Variants in ONECUT3 observed in about 807,000 individuals in gnomAD.
ONECUT3 encodes one cut homeobox 3, also known as one cut domain family member 3.
A neutral mutation model predicts 16.8 loss-of-function variants in ONECUT3; 11 were observed. The observed-to-expected ratio is 0.66, with a 90% CI of 0.41 to 1.09. The LOEUF (loss-of-function observed/expected upper bound fraction) is 1.09, where lower values mean the gene tolerates loss of function less well. Ranked by LOEUF, ONECUT3 falls within the 50% of genes least tolerant of loss-of-function variation. The pLI is 0.00. For missense variants in ONECUT3, 637 were observed against 629.9 expected, an observed-to-expected ratio of 1.01 and a Z score of -0.12; for synonymous variants, 344 against 310.7, an observed-to-expected ratio of 1.11 and a Z score of -1.13.
At position 1,754,182 on chromosome 19, in the gene ONECUT3, G is replaced by T; in HGVS notation, c.520G>T (p.Glu174Ter). 3.6e-6 allele frequency: 4 copies of T among 1,110,952 alleles called. No homozygotes were observed. The highest frequency in any genetic ancestry group is 4.4e-6 in the Non-Finnish European group (4 of 901,112). The allele number at this position is 1,110,952 out of a possible 1,614,324, so 68.8% of individuals were successfully genotyped here. Reference sequence around the variant, plus strand: ...CGGCAGCTTCACCCTCATGCGCGACGAGCGGGCGGCGCTCGCCTCCGTGGG... The same window carrying T: ...CGGCAGCTTCACCCTCATGCGCGACTAGCGGGCGGCGCTCGCCTCCGTGGG... The part of the protein sequence containing the change: ...VSGSFTLMRD[E>*]RAALASVGHL... The change falls in exon 1 of 2, where the codon GAG becomes TAG. Residue 174 changes from glutamate (E) to a stop codon, truncating the protein, a stop_gained. Transcript: ENST00000382349. LOFTEE classifies it high-confidence loss of function. This position sits in a 1 kb window ranked among gnomAD's most constrained non-coding sequence, Gnocchi z 7.4.
In ONECUT3 at chr19:1,776,258, T is replaced by C. The variant is rs2068107686; in HGVS notation, c.*813T>C. 1 of 152,184 alleles carries C rather than the reference T, an allele frequency of 6.6e-6. No individual in the cohort carries two copies. Among genetic ancestry groups the C allele is most frequent in the African/African-American group, 2.4e-5 (1 of 41,430 alleles). 9.4% of individuals were successfully genotyped at this position (152,184 alleles called of 1,614,324 possible). A position where few individuals can be genotyped will look rare whatever the true frequency, so the allele number is the denominator to read the frequency against. On this transcript the variant is annotated 3_prime_UTR_variant, in exon 2 of 2. Transcript: ENST00000382349. The surrounding 1 kb of genome is among the most constrained non-coding windows in gnomAD (Gnocchi z 4.9). ...GCCCCGCCCCGTCTGTTGAGTTCAC[T>C]TTACCTTTAGGCACCTTCGTGGAGC... is the stretch of plus-strand genomic sequence containing the variant.
At position 1,759,492 on chromosome 19, in the gene ONECUT3, G is replaced by A. The variant is rs1246259772; in HGVS notation, c.1192+4638G>A. On this transcript the variant is annotated intron_variant, in intron 1 of 1. Transcript: ENST00000382349. This position sits in a 1 kb window ranked among gnomAD's most constrained non-coding sequence, Gnocchi z 4.1. ...GGGATGAGCAGGGAGAGGAGGAGGA[G>A]GAGGAGAGGGAAGGGAGGGAAGGAA... is the stretch of plus-strand genomic sequence containing the variant. 6.6e-6 allele frequency among the ~76,000 whole-genome samples: 1 copy of A among 151,990 alleles called. No homozygotes were observed. Among genetic ancestry groups the A allele is most frequent in the African/African-American group, 2.4e-5 (1 of 41,360 alleles).
rs984894061 is a variant in ONECUT3 at position 1,755,552 on chromosome 19, C to A, written c.1192+698C>A. 6.6e-6 allele frequency among the ~76,000 whole-genome samples: 1 copy of A among 152,014 alleles called. No homozygotes were observed. The highest frequency in any genetic ancestry group is 2.4e-5 in the African/African-American group (1 of 41,396). Reference sequence around the variant, plus strand: ...CCGCCCGGAGGCCTTCACACCCCGACCCGGCGCCCGCCCCGCGCAGTTTGG... The same window carrying A: ...CCGCCCGGAGGCCTTCACACCCCGAACCGGCGCCCGCCCCGCGCAGTTTGG... On this transcript the variant is annotated intron_variant, in intron 1 of 1. Coordinates refer to ENST00000382349, the MANE Select transcript of ONECUT3 (RefSeq NM_001080488.2). The surrounding 1 kb of genome is among the most constrained non-coding windows in gnomAD (Gnocchi z 7.5).
chr19:1,754,372 AC>A lies in ONECUT3; in HGVS notation c.711del (p.Asp237GlufsTer98). 1.8e-6 allele frequency: 2 copies of A among 1,103,582 alleles called. No individual in the cohort carries two copies. Among genetic ancestry groups the A allele is most frequent in the Non-Finnish European group, 2.2e-6 (2 of 898,530 alleles). The allele number at this position is 1,103,582 out of a possible 1,614,324, so 68.4% of individuals were successfully genotyped here. A position where few individuals can be genotyped will look rare whatever the true frequency, so the allele number is the denominator to read the frequency against. On this transcript the variant is annotated frameshift_variant, in exon 1 of 2. Transcript: ENST00000382349. LOFTEE classifies it high-confidence loss of function. The surrounding 1 kb of genome is among the most constrained non-coding windows in gnomAD (Gnocchi z 7.4). ...AYGPPGHLAG[D>X]KLLPPAAFEP... Reference sequence around the variant, plus strand: ...GGCCCGCCAGGCCACCTGGCTGGGGACAAGCTGCTGCCGCCCGCCGCCTTCG... The same window carrying A: ...GGCCCGCCAGGCCACCTGGCTGGGGAAAGCTGCTGCCGCCCGCCGCCTTCG...
Position 1,764,979 on chromosome 19 carries a change from G to A in ONECUT3, c.1192+10125G>A, listed in dbSNP as rs890282394. Among the ~76,000 whole-genome samples the A allele has an allele frequency of 2.6e-5, 4 of 151,648 alleles. No individual in the cohort carries two copies. Among genetic ancestry groups the A allele is most frequent in the Non-Finnish European group, 5.9e-5 (4 of 68,018 alleles). ...TTGTCTGCTCCCTGAAGCCAGAGGT[G>A]GCTGAGGGAGGGGATCTCCAGCTCC... On this transcript the variant is annotated intron_variant, in intron 1 of 1. Coordinates refer to ENST00000382349, the MANE Select transcript of ONECUT3 (RefSeq NM_001080488.2). This position sits in a 1 kb window ranked among gnomAD's most constrained non-coding sequence, Gnocchi z 5.0.
In ONECUT3 at chr19:1,754,618, A is replaced by C; in HGVS notation, c.956A>C (p.Glu319Ala). 7.0e-7 allele frequency: 1 copy of C among 1,438,348 alleles called. No homozygotes were observed. The highest frequency in any genetic ancestry group is 9.2e-7 in the Non-Finnish European group (1 of 1,091,248). The allele number at this position is 1,438,348 out of a possible 1,614,324, so 89.1% of individuals were successfully genotyped here. ...GGGPSAGAAA[E>A]EINTKEVAQR... ...GGCCCCAGCGCGGGCGCAGCGGCCG[A>C]GGAGATCAACACCAAGGAGGTGGCG... is the stretch of plus-strand genomic sequence containing the variant. The change falls in exon 1 of 2, where the codon GAG (glutamate) becomes GCG (alanine). Residue 319 changes from glutamate (E) to alanine (A), a missense_variant. Physicochemically the swap from Glu to Ala is moderately radical, Grantham distance 107. Transcript: ENST00000382349. This position sits in a 1 kb window ranked among gnomAD's most constrained non-coding sequence, Gnocchi z 7.4.
At chr19:1,765,865 C>T (rs2067983278) in intron 1 of ONECUT3, among the ~76,000 whole-genome samples, 1 of 152,200 alleles carries the variant, frequency 6.6e-6, no homozygotes, top group African/African-American at 2.4e-5. Flanking sequence ...TGGGGCTGGG[C>T]GGACATGGAT....
chr19:1,761,696 G>C (rs1207835989), intron 1 of ONECUT3, among the ~76,000 whole-genome samples: 1 of 152,198 alleles, frequency 6.6e-6, no homozygotes, highest in African/African-American at 2.4e-5. Context: ...TGATCAATAG[G>C]GAGGGAAGCA....
chr19:1,775,681 A>ACC lies in ONECUT3; in HGVS notation c.*244_*245dup, dbSNP rs148513158. 100 of 270,164 alleles carry ACC rather than the reference A, an allele frequency of 3.7e-4. No homozygotes were observed. Among genetic ancestry groups the ACC allele is most frequent in the African/African-American group, 2.2e-3 (84 of 37,386 alleles). The allele number at this position is 270,164 out of a possible 1,614,324, so 16.7% of individuals were successfully genotyped here. A position where few individuals can be genotyped will look rare whatever the true frequency, so the allele number is the denominator to read the frequency against. On this transcript the variant is annotated 3_prime_UTR_variant, in exon 2 of 2. Coordinates refer to ENST00000382349, the MANE Select transcript of ONECUT3 (RefSeq NM_001080488.2). ...CCCTCCAGGCCAAAGGAAGCCCTCCACCCCCCCCCGGAGGGGAGGGAGTGA... is the reference window on the plus strand; with the variant it reads ...CCCTCCAGGCCAAAGGAAGCCCTCCACCCCCCCCCCCGGAGGGGAGGGAGTGA...
In ONECUT3 at chr19:1,766,913, C is replaced by T. The variant is rs2067996851; in HGVS notation, c.1193-8240C>T. On this transcript the variant is annotated intron_variant, in intron 1 of 1. Coordinates refer to ENST00000382349, the MANE Select transcript of ONECUT3 (RefSeq NM_001080488.2). The surrounding 1 kb of genome is among the most constrained non-coding windows in gnomAD (Gnocchi z 4.0). ...TATACCTCCGCTCTGTGCTGGGCCA[C>T]AGAAAGATCTCAGGCCCCACGAGGC... 6.6e-6 allele frequency among the ~76,000 whole-genome samples: 1 copy of T among 152,036 alleles called. No homozygotes were observed. Among genetic ancestry groups the T allele is most frequent in the Admixed American group, 6.6e-5 (1 of 15,266 alleles).
rs1387624668 is a variant in ONECUT3 at position 1,754,937 on chromosome 19, C to T, written c.1192+83C>T. 2 of 1,280,710 alleles carry T rather than the reference C, an allele frequency of 1.6e-6. No individual in the cohort carries two copies. Among genetic ancestry groups the T allele is most frequent in the African/African-American group, 1.6e-5 (1 of 64,332 alleles). 79.3% of individuals were successfully genotyped at this position (1,280,710 alleles called of 1,614,324 possible). A position where few individuals can be genotyped will look rare whatever the true frequency, so the allele number is the denominator to read the frequency against. On this transcript the variant is annotated intron_variant, in intron 1 of 1. Transcript: ENST00000382349. This position sits in a 1 kb window ranked among gnomAD's most constrained non-coding sequence, Gnocchi z 7.4. ...ACCTAGCGGGGCGGCGGCCGATGCCCGGGGCCAGCGCCCCAAGCCCCGCCC... is the reference window on the plus strand; with the variant it reads ...ACCTAGCGGGGCGGCGGCCGATGCCTGGGGCCAGCGCCCCAAGCCCCGCCC...
rs529064953 is a variant in ONECUT3 at position 1,767,164 on chromosome 19, C to A, written c.1193-7989C>A. The stretch of plus-strand genomic sequence containing the variant: ...AGAAAACCTGAGGCTCAAGGCCTTC[C>A]TTGAGGGAGGGGGAAACTTCGTGGT... On this transcript the variant is annotated intron_variant, in intron 1 of 1. Transcript: ENST00000382349. Among the ~76,000 whole-genome samples the A allele has an allele frequency of 3.4e-4, 51 of 152,170 alleles. 1 individual carries two copies. The South Asian group carries it at 0.01, about 31-fold the overall frequency.
Position 1,762,619 on chromosome 19 carries a change from C to T in ONECUT3, c.1192+7765C>T, listed in dbSNP as rs1568594577. Among the ~76,000 whole-genome samples the T allele has an allele frequency of 1.3e-5, 2 of 152,246 alleles. No homozygotes were observed. Among genetic ancestry groups the T allele is most frequent in the South Asian group, 4.1e-4 (2 of 4,838 alleles). ...CCAACAGCCTGACAGGACCTGGACGCACGTGCCCCGGCGCCAGGAGACCCG... is the reference window on the plus strand; with the variant it reads ...CCAACAGCCTGACAGGACCTGGACGTACGTGCCCCGGCGCCAGGAGACCCG... On this transcript the variant is annotated intron_variant, in intron 1 of 1. Transcript: ENST00000382349. This position sits in a 1 kb window ranked among gnomAD's most constrained non-coding sequence, Gnocchi z 4.4.
At position 1,766,341 on chromosome 19, in the gene ONECUT3, C is replaced by T. The variant is rs903362817; in HGVS notation, c.1193-8812C>T. On this transcript the variant is annotated intron_variant, in intron 1 of 1. Transcript: ENST00000382349. The surrounding 1 kb of genome is among the most constrained non-coding windows in gnomAD (Gnocchi z 4.0). ...CGTCAGGCGCGCGCAGAGGCACCCA[C>T]GGGCCCGCCTTCAGGGGCGAGGCGG... is the stretch of plus-strand genomic sequence containing the variant. Among the ~76,000 whole-genome samples, 1 of 152,070 alleles carries T rather than the reference C, an allele frequency of 6.6e-6. No homozygotes were observed. The highest frequency in any genetic ancestry group is 1.5e-5 in the Non-Finnish European group (1 of 67,980).
chr19:1,759,465 G>T lies in ONECUT3; in HGVS notation c.1192+4611G>T, dbSNP rs12973561. Among the ~76,000 whole-genome samples, 22,763 of 151,340 alleles carry T rather than the reference G, an allele frequency of 0.15. 1,933 individuals carry two copies. The highest frequency in any genetic ancestry group is 0.2 in the Non-Finnish European group (13,236 of 67,632). ...CCCCACCCAAACTCTGGATGAAGGGGAGGGATGAGCAGGGAGAGGAGGAGG... is the reference window on the plus strand; with the variant it reads ...CCCCACCCAAACTCTGGATGAAGGGTAGGGATGAGCAGGGAGAGGAGGAGG... On this transcript the variant is annotated intron_variant, in intron 1 of 1. Coordinates refer to ENST00000382349, the MANE Select transcript of ONECUT3 (RefSeq NM_001080488.2). The surrounding 1 kb of genome is among the most constrained non-coding windows in gnomAD (Gnocchi z 4.1).
Position 1,759,628 on chromosome 19 carries a change from C to T in ONECUT3, c.1192+4774C>T, listed in dbSNP as rs1453921495. 6.6e-6 allele frequency among the ~76,000 whole-genome samples: 1 copy of T among 152,212 alleles called. No individual in the cohort carries two copies. The highest frequency in any genetic ancestry group is 2.4e-5 in the African/African-American group (1 of 41,450). ...ACCCCCAGAAAAATATGCCCCACGC[C>T]ACTAGACAGTAGAGATAACCAAGGT... On this transcript the variant is annotated intron_variant, in intron 1 of 1. Transcript: ENST00000382349. The surrounding 1 kb of genome is among the most constrained non-coding windows in gnomAD (Gnocchi z 4.1).
In ONECUT3 at chr19:1,777,046, G is replaced by C. The variant is rs1320034294; in HGVS notation, c.*1601G>C. On this transcript the variant is annotated 3_prime_UTR_variant, in exon 2 of 2. Transcript: ENST00000382349. ...AAAGAGAGAGAGAGAGAGAGGGAGA[G>C]AGAGGGAGAGAAAGGGAGAGAGGGA... 6.6e-6 allele frequency: 1 copy of C among 152,000 alleles called. No individual in the cohort carries two copies. The highest frequency in any genetic ancestry group is 1.9e-4 in the East Asian group (1 of 5,172). The allele number at this position is 152,000 out of a possible 1,614,324, so 9.4% of individuals were successfully genotyped here. A position where few individuals can be genotyped will look rare whatever the true frequency, so the allele number is the denominator to read the frequency against.
At position 1,759,627 on chromosome 19, in the gene ONECUT3, CCA is replaced by C; in HGVS notation, c.1192+4775_1192+4776del. 6.6e-6 allele frequency among the ~76,000 whole-genome samples: 1 copy of C among 152,232 alleles called. No homozygotes were observed. Among genetic ancestry groups the C allele is most frequent in the Non-Finnish European group, 1.5e-5 (1 of 68,050 alleles). ...CACCCCCAGAAAAATATGCCCCACG[CCA>C]CTAGACAGTAGAGATAACCAAGGTT... On this transcript the variant is annotated intron_variant, in intron 1 of 1. Transcript: ENST00000382349. This position sits in a 1 kb window ranked among gnomAD's most constrained non-coding sequence, Gnocchi z 4.1.
At chr19:1,767,232 C>T (rs546727823) in intron 1 of ONECUT3, among the ~76,000 whole-genome samples, 2 of 152,214 alleles carry the variant, frequency 1.3e-5, no homozygotes, top group Admixed American at 1.3e-4. Context: ...TCTCAGGGAC[C>T]CCCAGATGGG....
Sources: allele counts gnomAD v4.1 joint callset (sites outside exome capture counted in the v4.1 genomes callset), GRCh38; gene constraint gnomAD v4.1.1; non-coding constraint Gnocchi (gnomAD v3.1); transcripts MANE v1.5; gene names NCBI Gene and HGNC (gene_info 2026-07-23, HGNC 2026-07-21).